The following DIP2C variants were observed in gnomAD, a reference collection of about 807,000 sequenced individuals.
DIP2C encodes the protein disco-interacting protein 2 homolog C.
A neutral mutation model predicts 192.4 loss-of-function variants in DIP2C; 33 were observed. That is an observed-to-expected ratio of 0.17 (90% CI 0.13 to 0.23). DIP2C has a LOEUF of 0.23. Ranked by LOEUF, DIP2C falls within the 10% of genes least tolerant of loss-of-function variation. The pLI is 1.00. For synonymous variants in DIP2C, 979 were observed against 864.1 expected, an observed-to-expected ratio of 1.13 and a Z score of -2.33; for missense variants, 1,537 against 2,110.1, an observed-to-expected ratio of 0.73 and a Z score of 5.32.
At chr10:404,763 A>G (rs1418628676) in intron 9 of DIP2C, among the ~76,000 whole-genome samples, 2 of 152,248 alleles carry the variant, frequency 1.3e-5, no homozygotes, top group African/African-American at 4.8e-5. Context: ...GAATTTCTAT[A>G]GTCCACTACA....
chr10:651,260 C>A lies in DIP2C; in HGVS notation c.85+38234G>T. On this transcript the variant is annotated intron_variant, in intron 1 of 36. Coordinates refer to ENST00000280886, the MANE Select transcript of DIP2C (RefSeq NM_014974.3). This position sits in a 1 kb window ranked among gnomAD's most constrained non-coding sequence, Gnocchi z 4.1. ...GGCGTCACAGCGTGGGTTCCGGTCA[C>A]CAGTCGGCCTCCCCCACCAACGTGG... is the stretch of plus-strand genomic sequence containing the variant. 5.6e-6 allele frequency: 4 copies of A among 715,078 alleles called. No individual in the cohort carries two copies. Among genetic ancestry groups the A allele is most frequent in the African/African-American group, 1.7e-5 (1 of 57,396 alleles). The allele number at this position is 715,078 out of a possible 1,614,324, so 44.3% of individuals were successfully genotyped here.
At position 390,229 on chromosome 10, in the gene DIP2C, C is replaced by A. The variant is rs370683293; in HGVS notation, c.1494+35G>T. 517 of 1,603,522 alleles carry A rather than the reference C, an allele frequency of 3.2e-4. 1 individual carries two copies. The highest frequency in any genetic ancestry group is 4.0e-4 in the Non-Finnish European group (473 of 1,170,750). On this transcript the variant is annotated intron_variant, in intron 12 of 36. Coordinates refer to ENST00000280886, the MANE Select transcript of DIP2C (RefSeq NM_014974.3). ...AACACACGTTAGTGCCAAGGCCACA[C>A]TCAGGGCCAGTGGAGGAGGCCAAGG... is the stretch of plus-strand genomic sequence containing the variant.
At chr10:333,025 C>A (rs1210031134) in intron 29 of DIP2C, among the ~76,000 whole-genome samples, 1 of 152,216 alleles carries the variant, frequency 6.6e-6, no homozygotes, top group Non-Finnish European at 1.5e-5. Context: ...GCCTCATGCT[C>A]CTGAGTAGCT....
chr10:571,702 A>AGCT (rs1291407505), intron 1 of DIP2C, among the ~76,000 whole-genome samples: 1 of 152,208 alleles, frequency 6.6e-6, no homozygotes, highest in Non-Finnish European at 1.5e-5. Context: ...CCTCATGACC[A>AGCT]GCTGCTGCCC....
intron 1 of DIP2C, among the ~76,000 whole-genome samples, chr10:487,952 C>T (rs1005232620): frequency 6.6e-6 from 1 of 152,216 alleles, no homozygotes; most frequent in African/African-American, 2.4e-5. Context: ...GGGCACTCCA[C>T]ACCGGCAGCC....
intron 29 of DIP2C, among the ~76,000 whole-genome samples, chr10:333,630 C>A (rs1482053363): frequency 2.0e-5 from 3 of 152,208 alleles, no homozygotes; most frequent in Non-Finnish European, 4.4e-5. Context: ...TGTTCGCTTT[C>A]CTTTCTCCTA....
intron 1 of DIP2C, among the ~76,000 whole-genome samples, chr10:609,567 T>TTA (rs779863124): frequency 2.0e-5 from 3 of 152,228 alleles, no homozygotes; most frequent in Non-Finnish European, 4.4e-5. Flanking sequence ...GTCATCTCCT[T>TTA]TATCTTTGAC....
chr10:380,247 G>A (rs955733732), intron 17 of DIP2C, among the ~76,000 whole-genome samples: 3 of 149,716 alleles, frequency 2.0e-5, no homozygotes, highest in African/African-American at 7.6e-5. Flanking sequence ...GGCTGTCCCT[G>A]GAAGATGGTT....
At chr10:396,335 G>A (rs929302437) in intron 10 of DIP2C, among the ~76,000 whole-genome samples, 10 of 152,176 alleles carry the variant, frequency 6.6e-5, no homozygotes, top group African/African-American at 2.4e-4. Flanking sequence ...ACTCCAACAT[G>A]CTCAGGAAAA....
At chr10:405,143 A>T (rs2133052547) in intron 9 of DIP2C, among the ~76,000 whole-genome samples, 1 of 152,348 alleles carries the variant, frequency 6.6e-6, no homozygotes, top group South Asian at 2.1e-4. Context: ...CTGGAGGCAG[A>T]GTCTTCACCA....
intron 29 of DIP2C, 81 bp from the exon 30 acceptor site, chr10:329,682 T>C (rs1023418598): frequency 1.2e-5 from 18 of 1,497,970 alleles, no homozygotes; most frequent in Admixed American, 2.2e-5. Flanking sequence ...AGGGCAGCAC[T>C]GACTCCAAGG....
intron 35 of DIP2C, among the ~76,000 whole-genome samples, chr10:282,534 A>G (rs946375548): frequency 1.8e-4 from 28 of 152,372 alleles, no homozygotes; most frequent in African/African-American, 6.7e-4. Context: ...AGGAACCTCA[A>G]CTGCCACTGT....
intron 1 of DIP2C, among the ~76,000 whole-genome samples, chr10:608,103 GAACACACACACCACACACACAGCCCC>G (rs1369466910): frequency 1.7e-4 from 24 of 143,306 alleles, no homozygotes; most frequent in African/African-American, 4.8e-4. Flanking sequence ...ACCTAAAAAG[GAACACACACACCACACACACAGCCCC>G]AACACACACA....
rs771996900 is a variant in DIP2C, at chr10:542,011, T to C, written c.86-55481A>G. ...CCCCTGGGGACTCCCAGTGCACACG[T>C]TGGTCTCCTGCACACTTGGCTCTTC... On this transcript the variant is annotated intron_variant, in intron 1 of 36. Coordinates refer to ENST00000280886, the MANE Select transcript of DIP2C (RefSeq NM_014974.3). Among the ~76,000 whole-genome samples the C allele has an allele frequency of 3.2e-4, 49 of 152,188 alleles. 1 individual carries two copies. The highest frequency in any genetic ancestry group is 1.8e-3 in the Admixed American group (27 of 15,280).
intron 26 of DIP2C, among the ~76,000 whole-genome samples, chr10:347,978 CA>C (rs1958598900): frequency 6.6e-6 from 1 of 151,780 alleles, no homozygotes; most frequent in Admixed American, 6.5e-5. Context: ...ACGTCACACA[CA>C]CCCAGATGCG....
chr10:445,519 T>A (rs1044807728), intron 3 of DIP2C, among the ~76,000 whole-genome samples: 1 of 151,750 alleles, frequency 6.6e-6, no homozygotes. Context: ...GCACTGGGCA[T>A]CTGTATACAT....
chr10:351,473 G>A (rs1564600711), intron 24 of DIP2C, among the ~76,000 whole-genome samples: 1 of 152,232 alleles, frequency 6.6e-6, no homozygotes, highest in African/African-American at 2.4e-5. Flanking sequence ...TCACTGCCCG[G>A]TGGGTCTTCA....
At chr10:499,068 T>C (rs1845049378) in intron 1 of DIP2C, among the ~76,000 whole-genome samples, 1 of 152,286 alleles carries the variant, frequency 6.6e-6, no homozygotes, top group East Asian at 1.9e-4. Flanking sequence ...TCAGTCCTAT[T>C]ATTTTGTTAT....
intron 1 of DIP2C, among the ~76,000 whole-genome samples, chr10:670,261 CAT>C (rs1024641516): frequency 2.0e-5 from 3 of 152,274 alleles, no homozygotes; most frequent in Admixed American, 1.3e-4. Flanking sequence ...CGTACATGCA[CAT>C]ACACGCATGC....
Sources: allele counts gnomAD v4.1 joint callset (sites outside exome capture counted in the v4.1 genomes callset), GRCh38; gene constraint gnomAD v4.1.1; non-coding constraint Gnocchi (gnomAD v3.1); transcripts MANE v1.5; gene names NCBI Gene and HGNC (gene_info 2026-07-23, HGNC 2026-07-21).